Variants in NAV3 observed in about 807,000 individuals in gnomAD.
NAV3 encodes the protein neuron navigator 3.
A neutral mutation model predicts 244.7 loss-of-function variants in NAV3; 87 were observed. The observed-to-expected ratio is 0.36, with a 90% confidence interval of 0.30 to 0.42. The LOEUF (loss-of-function observed/expected upper bound fraction) is 0.42, where lower values mean the gene tolerates loss of function less well. Among genes scored for constraint, NAV3 ranks in the 20% least tolerant of loss-of-function variants. The pLI, the probability that NAV3 is intolerant of heterozygous loss-of-function variation, is 1.00. For synonymous variants in NAV3, 1,126 were observed against 1,042.2 expected (o/e 1.08, Z -1.55); for missense variants, 2,663 against 2,893.3 (o/e 0.92, Z 1.83).
At chr12:77,784,220 A>G (rs1369778861) in intron 2 of NAV3, among the ~76,000 whole-genome samples, 1 of 152,132 alleles carries the variant, frequency 6.6e-6, no homozygotes, top group Admixed American at 6.6e-5. Flanking sequence ...CCCAACACAG[A>G]CACTCTCTTT....
Position 77,831,189 on chromosome 12 carries a change from G to GAC in NAV3, c.-272_-271insCA, listed in dbSNP as rs1204921341. ...AGAGACAGAGAGAGAGAGAGAGAGA[G>GAC]AGAGACAGAGAGAGAGAGAGAGAGA... is the stretch of plus-strand genomic sequence containing the variant. On this transcript the variant is annotated 5_prime_UTR_variant, in exon 1 of 40. Coordinates refer to ENST00000397909, the MANE Select transcript of NAV3 (RefSeq NM_001024383.2). The GAC allele has an allele frequency of 8.3e-4, 106 of 127,180 alleles. No individual in the cohort carries two copies. The highest frequency in any genetic ancestry group is 4.0e-3 in the African/African-American group (90 of 22,282). The allele number at this position is 127,180 out of a possible 1,614,324, so 7.9% of individuals were successfully genotyped here.
At chr12:78,107,104 T>G (rs1954841384) in intron 12 of NAV3, among the ~76,000 whole-genome samples, 2 of 152,172 alleles carry the variant, frequency 1.3e-5, no homozygotes, top group Admixed American at 6.6e-5. Context: ...AAGCGACTGT[T>G]ACAACAGATA....
chr12:77,584,419 T>TA (rs762075114), intron 2 of NAV3, among the ~76,000 whole-genome samples: 2 of 133,428 alleles, frequency 1.5e-5, no homozygotes, highest in Non-Finnish European at 3.3e-5. Context: ...TCACATAGTA[T>TA]ACCAAAAAAA....
chr12:78,187,320 T>C (rs1037561856), intron 31 of NAV3, among the ~76,000 whole-genome samples: 1 of 151,894 alleles, frequency 6.6e-6, no homozygotes, highest in Admixed American at 6.6e-5. Flanking sequence ...TATTATGTGT[T>C]ATAGAATCCA....
chr12:78,178,871 A>T (rs1357812282), intron 28 of NAV3, among the ~76,000 whole-genome samples: 1 of 152,140 alleles, frequency 6.6e-6, no homozygotes, highest in Non-Finnish European at 1.5e-5. Context: ...CACAACAAGG[A>T]TACAATGTGT....
chr12:77,819,984 G>T (rs999301153), intron 2 of NAV3, among the ~76,000 whole-genome samples: 1 of 152,090 alleles, frequency 6.6e-6, no homozygotes, highest in African/African-American at 2.4e-5. Context: ...TAATATGGAA[G>T]TAAAGGGGAA....
intron 12 of NAV3, among the ~76,000 whole-genome samples, chr12:78,095,662 T>C (rs559066983): frequency 2.7e-4 from 41 of 152,252 alleles, no homozygotes; most frequent in African/African-American, 9.9e-4. Context: ...GTGAAGACAA[T>C]GGCAACACAG....
intron 2 of NAV3, among the ~76,000 whole-genome samples, chr12:77,751,262 G>A (rs978423003): frequency 6.6e-6 from 1 of 152,148 alleles, no homozygotes; most frequent in East Asian, 1.9e-4. Context: ...CCTCTTTGTA[G>A]CCTCTTTTCG....
chr12:77,633,301 T>C (rs1871999427), intron 2 of NAV3, among the ~76,000 whole-genome samples: 1 of 152,108 alleles, frequency 6.6e-6, no homozygotes, highest in South Asian at 2.1e-4. Flanking sequence ...ATCATTACCA[T>C]AATTAGACTC....
At chr12:78,033,510 A>G (rs1454221205) in intron 9 of NAV3, among the ~76,000 whole-genome samples, 2 of 152,166 alleles carry the variant, frequency 1.3e-5, no homozygotes, top group South Asian at 2.1e-4. Flanking sequence ...ATGTGTGAAT[A>G]CAAACAAATA....
In NAV3 at chr12:77,723,503, A is replaced by G. The variant is rs1165614781; in HGVS notation, c.72+151237A>G. 6.6e-5 allele frequency among the ~76,000 whole-genome samples: 10 copies of G among 152,178 alleles called. No individual in the cohort carries two copies. The South Asian group carries it at 2.1e-3, about 31-fold the overall frequency. ...CACTCTGCTGGCTATTAAGAAGCCA[A>G]TGATAAACAAAATAAATAGGATCTC... On this transcript the variant is annotated intron_variant, in intron 2 of 8. Transcript: ENST00000550042.
chr12:78,210,381 C>T lies in NAV3; in HGVS notation c.7039-17C>T. 6.2e-7 allele frequency: 1 copy of T among 1,613,184 alleles called. No homozygotes were observed. The highest frequency in any genetic ancestry group is 2.2e-5 in the East Asian group (1 of 44,830). On this transcript the variant is annotated splice_polypyrimidine_tract_variant and intron_variant, in intron 39 of 39. Coordinates refer to ENST00000397909, the MANE Select transcript of NAV3 (RefSeq NM_001024383.2). ...AATGCATCATTGCCTACATCGATGT[C>T]TTTTTTCTTTCTTCAGATGAATATG...
chr12:77,961,239 TTAAAG>T (rs1420103759), intron 3 of NAV3, among the ~76,000 whole-genome samples: 2 of 137,472 alleles, frequency 1.5e-5, no homozygotes, highest in South Asian at 2.4e-4. Flanking sequence ...TAATAATATA[TTAAAG>T]TATTAAAGTA....
intron 9 of NAV3, among the ~76,000 whole-genome samples, chr12:78,030,953 G>T (rs1472763694): frequency 1.3e-5 from 2 of 152,032 alleles, no homozygotes; most frequent in African/African-American, 2.4e-5. Flanking sequence ...CTGAGGTTTC[G>T]ATAGTTCTCT....
chr12:78,025,453 G>A (rs117747840), intron 9 of NAV3, among the ~76,000 whole-genome samples: 16 of 151,738 alleles, frequency 1.1e-4, no homozygotes, highest in East Asian at 5.9e-4. Context: ...AACATTAGCC[G>A]GCTGCGGTGG....
intron 12 of NAV3, chr12:78,088,767 C>G (rs1328822039): frequency 1.3e-5 from 2 of 152,032 alleles, no homozygotes; most frequent in Non-Finnish European, 2.9e-5. Context: ...GGCTGCTTAC[C>G]CAGAATCCGA....
Position 78,127,324 on chromosome 12 carries a change from C to T in NAV3, c.4280+116C>T, listed in dbSNP as rs529051138. The T allele has an allele frequency of 6.0e-4, 625 of 1,035,780 alleles. 10 individuals are homozygous for T. The South Asian group carries it at 9.0e-3, about 15-fold the overall frequency. The allele number at this position is 1,035,780 out of a possible 1,614,324, so 64.2% of individuals were successfully genotyped here. ...TAGCACATGACATTGAGGACGAAATCACTTTTAATTTTGATGGTTTCTCTG... is the reference window on the plus strand; with the variant it reads ...TAGCACATGACATTGAGGACGAAATTACTTTTAATTTTGATGGTTTCTCTG... On this transcript the variant is annotated intron_variant, in intron 17 of 39. Transcript: ENST00000397909.
At chr12:78,177,812 T>A in intron 28 of NAV3, 127 bp downstream of exon 28, 1 of 856,402 alleles carries the variant, frequency 1.2e-6, no homozygotes, top group Non-Finnish European at 1.7e-6. Flanking sequence ...TTCTGTTTTT[T>A]CAACTAAAAT....
rs113241518 is a variant in NAV3, at chr12:77,727,291, T to C, written c.72+155025T>C. 4.4e-3 allele frequency among the ~76,000 whole-genome samples: 674 copies of C among 151,950 alleles called. 5 individuals are homozygous for C. The highest frequency in any genetic ancestry group is 0.017 in the Middle Eastern group (5 of 294). ...GAGGTTCCAGTGAGAAGTTTACGAG[T>C]GTAGTCAAGGCCTGATAGTTTGTTG... On this transcript the variant is annotated intron_variant, in intron 2 of 8. Transcript: ENST00000550042.
Sources: allele counts gnomAD v4.1 joint callset (sites outside exome capture counted in the v4.1 genomes callset), GRCh38; gene constraint gnomAD v4.1.1; transcripts MANE v1.5; gene names NCBI Gene and HGNC (gene_info 2026-07-23, HGNC 2026-07-21).